TNFSF4: variants seen among roughly 807,000 people sequenced by gnomAD.
The protein encoded by TNFSF4 is tumor necrosis factor ligand superfamily member 4.
Under a neutral mutation model 7.3 loss-of-function variants are expected in TNFSF4, and 4 were observed. The observed-to-expected ratio is 0.55, with a 90% confidence interval of 0.27 to 1.25. The LOEUF is 1.25. Ranked by LOEUF, TNFSF4 falls within the 50% of genes most tolerant of loss-of-function variation. TNFSF4 has a pLI of 0.12. For missense variants in TNFSF4, 181 were observed against 208.8 expected (o/e 0.87, Z 0.82); for synonymous variants, 76 against 83.7 (o/e 0.91, Z 0.50).
At chr1:173,382,709 C>T in the TNFSF4 span, among the ~76,000 whole-genome samples, 1 of 152,134 alleles carries the variant, frequency 6.6e-6, no homozygotes, top group Admixed American at 6.6e-5. Flanking sequence ...CCACAGTGAT[C>T]AGCATTTCCT....
At chr1:173,287,129 G>A in the TNFSF4 span, among the ~76,000 whole-genome samples, 1 of 152,034 alleles carries the variant, frequency 6.6e-6, no homozygotes, top group African/African-American at 2.4e-5. Flanking sequence ...ACCAGGCTGG[G>A]CAACACAGCC....
the TNFSF4 span, among the ~76,000 whole-genome samples, chr1:173,426,004 C>T: frequency 2.0e-5 from 3 of 152,196 alleles, no homozygotes; most frequent in Admixed American, 2.0e-4. Flanking sequence ...GGAGAAAAGG[C>T]ATATAGACTT....
At chr1:173,351,702 T>C in the TNFSF4 span, 1 of 386,326 alleles carries the variant, frequency 2.6e-6, no homozygotes, top group Admixed American at 3.7e-5. Context: ...CAATGTTCAA[T>C]CCATGCCTAA....
chr1:173,387,513 G>A, the TNFSF4 span, among the ~76,000 whole-genome samples: 5 of 152,246 alleles, frequency 3.3e-5, no homozygotes, highest in Middle Eastern at 3.4e-3. Context: ...TCTAGTCATA[G>A]GTATTTTGTT....
the TNFSF4 span, among the ~76,000 whole-genome samples, chr1:173,290,035 T>C: frequency 1.2e-4 from 19 of 152,058 alleles, no homozygotes; most frequent in African/African-American, 4.3e-4. Flanking sequence ...AGAATCTTGA[T>C]GAACCACAAG....
chr1:173,291,087 T>C, the TNFSF4 span, among the ~76,000 whole-genome samples: 5 of 152,190 alleles, frequency 3.3e-5, no homozygotes, highest in African/African-American at 1.2e-4. Context: ...ATTTGTCTAA[T>C]GGTTCTGCAG....
the TNFSF4 span, among the ~76,000 whole-genome samples, chr1:173,442,739 C>T: frequency 1.0e-3 from 153 of 151,668 alleles, 1 homozygote; most frequent in African/African-American, 3.4e-3. Context: ...TTAGTACAGA[C>T]GGGGTTTCAC....
At chr1:173,201,892 A>T (rs567178900) in intron 1 of TNFSF4, among the ~76,000 whole-genome samples, 1 of 152,090 alleles carries the variant, frequency 6.6e-6, no homozygotes, top group East Asian at 1.9e-4. Flanking sequence ...TCCACCTACA[A>T]CTCAGCTGGG....
the TNFSF4 span, among the ~76,000 whole-genome samples, chr1:173,412,747 TC>T: frequency 1.4e-4 from 22 of 152,324 alleles, no homozygotes; most frequent in Non-Finnish European, 2.8e-4. Flanking sequence ...ATAGTGATTA[TC>T]TTTGAGTGGA....
At chr1:173,350,078 A>C in the TNFSF4 span, among the ~76,000 whole-genome samples, 1 of 152,172 alleles carries the variant, frequency 6.6e-6, no homozygotes, top group Non-Finnish European at 1.5e-5. Flanking sequence ...AACTGTGTAG[A>C]TCAGACCCAT....
At chr1:173,413,706 T>C in the TNFSF4 span, among the ~76,000 whole-genome samples, 1 of 152,200 alleles carries the variant, frequency 6.6e-6, no homozygotes, top group South Asian at 2.1e-4. Context: ...TTGGCCCTTT[T>C]GCCAGCTGGC....
At chr1:173,203,550 A>C (rs1180949978) in intron 1 of TNFSF4, among the ~76,000 whole-genome samples, 1 of 152,194 alleles carries the variant, frequency 6.6e-6, no homozygotes, top group Admixed American at 6.5e-5. Context: ...TCTTTCTCTT[A>C]TTAAATGATA....
the TNFSF4 span, among the ~76,000 whole-genome samples, chr1:173,366,590 A>C: frequency 5.9e-5 from 9 of 152,284 alleles, no homozygotes; most frequent in South Asian, 1.9e-3. Flanking sequence ...ATATAGTAAA[A>C]AATAATTTCA....
chr1:173,289,187 A>G, the TNFSF4 span, among the ~76,000 whole-genome samples: 10 of 152,202 alleles, frequency 6.6e-5, no homozygotes, highest in Admixed American at 5.9e-4. Context: ...AAAATATGCA[A>G]TGTGGTCCCC....
the TNFSF4 span, among the ~76,000 whole-genome samples, chr1:173,257,058 T>C: frequency 6.6e-6 from 1 of 152,250 alleles, no homozygotes; most frequent in Non-Finnish European, 1.5e-5. Context: ...ATGTGGCTTA[T>C]GAGATTAGAT....
chr1:173,386,862 T>C, the TNFSF4 span, among the ~76,000 whole-genome samples: 3 of 152,252 alleles, frequency 2.0e-5, no homozygotes, highest in African/African-American at 7.2e-5. Flanking sequence ...GTTGTTTGTC[T>C]TACTGGGTTT....
At chr1:173,246,017 T>G in the TNFSF4 span, among the ~76,000 whole-genome samples, 1 of 152,264 alleles carries the variant, frequency 6.6e-6, no homozygotes, top group Non-Finnish European at 1.5e-5. Flanking sequence ...TTTCATATCT[T>G]GGCTGTTGTG....
chr1:173,412,906 G>A, the TNFSF4 span, among the ~76,000 whole-genome samples: 1 of 152,250 alleles, frequency 6.6e-6, no homozygotes, highest in East Asian at 1.9e-4. Flanking sequence ...CAACAGATAA[G>A]TTTGAGTTCA....
chr1:173,399,842 T>C, the TNFSF4 span, among the ~76,000 whole-genome samples: 2 of 152,258 alleles, frequency 1.3e-5, no homozygotes, highest in African/African-American at 4.8e-5. Context: ...TCCATCAACA[T>C]TGACCTGGCT....
Sources: allele counts gnomAD v4.1 joint callset (sites outside exome capture counted in the v4.1 genomes callset), GRCh38; gene constraint gnomAD v4.1.1; transcripts MANE v1.5; gene names NCBI Gene and HGNC (gene_info 2026-07-23, HGNC 2026-07-21).